The following ATOSA variants were observed in gnomAD, a reference collection of about 807,000 sequenced individuals.
The protein encoded by ATOSA is atos homolog A.
chr15:52,582,802 A>T, the ATOSA span, among the ~76,000 whole-genome samples: 1 of 152,238 alleles, frequency 6.6e-6, no homozygotes, highest in Non-Finnish European at 1.5e-5. Flanking sequence ...AGTAAAACCC[A>T]GCCACCATCA....
chr15:52,627,571 A>C, the ATOSA span, among the ~76,000 whole-genome samples: 2 of 152,178 alleles, frequency 1.3e-5, no homozygotes. Flanking sequence ...AAGTATGACC[A>C]ACTGAAGAAT....
the ATOSA span, among the ~76,000 whole-genome samples, chr15:52,660,575 T>TA: frequency 6.6e-6 from 1 of 152,234 alleles, no homozygotes; most frequent in Non-Finnish European, 1.5e-5. Flanking sequence ...GTGTTTATCT[T>TA]ACGCACTGAA....
At chr15:52,630,605 G>T in the ATOSA span, among the ~76,000 whole-genome samples, 22 of 152,292 alleles carry the variant, frequency 1.4e-4, no homozygotes, top group African/African-American at 4.8e-4. Flanking sequence ...ACACACTGGT[G>T]CAAACACTTT....
At chr15:52,625,827 T>A in the ATOSA span, among the ~76,000 whole-genome samples, 1 of 152,242 alleles carries the variant, frequency 6.6e-6, no homozygotes, top group Non-Finnish European at 1.5e-5. Flanking sequence ...AATTGTTTTA[T>A]CAAGTTAGTC....
At chr15:52,698,920 T>C in the ATOSA span, among the ~76,000 whole-genome samples, 1 of 152,214 alleles carries the variant, frequency 6.6e-6, no homozygotes, top group African/African-American at 2.4e-5. Flanking sequence ...GAAGTGGTGG[T>C]GATTTTGGAA....
chr15:52,633,040 T>C, the ATOSA span, among the ~76,000 whole-genome samples: 2 of 152,214 alleles, frequency 1.3e-5, no homozygotes, highest in Non-Finnish European at 2.9e-5. Context: ...TCAGAGCAAG[T>C]ACAGGCATGT....
the ATOSA span, among the ~76,000 whole-genome samples, chr15:52,645,373 A>C: frequency 1.3e-4 from 20 of 152,202 alleles, no homozygotes; most frequent in Non-Finnish European, 2.5e-4. Flanking sequence ...TGGGAGGCGG[A>C]GGCTGAAGTG....
At chr15:52,608,677 T>C in the ATOSA span, 1 of 1,612,616 alleles carries the variant, frequency 6.2e-7, no homozygotes, top group South Asian at 1.1e-5. Flanking sequence ...TTGCTTATCT[T>C]GTTCATTTTT....
the ATOSA span, among the ~76,000 whole-genome samples, chr15:52,683,983 A>G: frequency 6.6e-6 from 1 of 152,236 alleles, no homozygotes; most frequent in Admixed American, 6.5e-5. Flanking sequence ...TTCTGAACAC[A>G]TATTTATGAT....
At chr15:52,628,282 A>G in the ATOSA span, among the ~76,000 whole-genome samples, 1 of 152,176 alleles carries the variant, frequency 6.6e-6, no homozygotes, top group African/African-American at 2.4e-5. Flanking sequence ...AAGCCCTTTG[A>G]GCTTCTTGGA....
At chr15:52,683,006 A>G in the ATOSA span, among the ~76,000 whole-genome samples, 1 of 152,298 alleles carries the variant, frequency 6.6e-6, no homozygotes, top group South Asian at 2.1e-4. Flanking sequence ...TAAGGAAGTA[A>G]AAATGTATTC....
the ATOSA span, among the ~76,000 whole-genome samples, chr15:52,618,904 T>C: frequency 6.6e-6 from 1 of 152,220 alleles, no homozygotes; most frequent in Non-Finnish European, 1.5e-5. Context: ...TCATTGTCTC[T>C]GTGGGAGGTA....
the ATOSA span, among the ~76,000 whole-genome samples, chr15:52,619,826 TAAAAAAAAAA>T: frequency 8.6e-6 from 1 of 116,492 alleles, no homozygotes; most frequent in East Asian, 2.1e-4. Flanking sequence ...GAGACTGTCT[TAAAAAAAAAA>T]GAAAAGAAAA....
chr15:52,592,692 T>C, the ATOSA span, among the ~76,000 whole-genome samples: 1 of 152,208 alleles, frequency 6.6e-6, no homozygotes, highest in African/African-American at 2.4e-5. Context: ...AAAAATCTCA[T>C]AATGTTTTAA....
chr15:52,600,510 AATGTT>A, the ATOSA span, among the ~76,000 whole-genome samples: 1 of 152,160 alleles, frequency 6.6e-6, no homozygotes, highest in Admixed American at 6.5e-5. Flanking sequence ...ATAATAAATT[AATGTT>A]ATCAAATTTT....
At chr15:52,637,060 T>C in the ATOSA span, among the ~76,000 whole-genome samples, 1 of 152,122 alleles carries the variant, frequency 6.6e-6, no homozygotes, top group Non-Finnish European at 1.5e-5. Context: ...AAGGGAAACT[T>C]AAGAGGAAGA....
chr15:52,608,446 A>T, the ATOSA span: 1 of 922,544 alleles, frequency 1.1e-6, no homozygotes. Flanking sequence ...TTATTATTCT[A>T]TCAGACTGTG....
At chr15:52,701,363 CAG>C in the ATOSA span, among the ~76,000 whole-genome samples, 1 of 152,082 alleles carries the variant, frequency 6.6e-6, no homozygotes, top group African/African-American at 2.4e-5. Flanking sequence ...CACTTGAGCC[CAG>C]GAGTTTGAGG....
the ATOSA span, among the ~76,000 whole-genome samples, chr15:52,664,547 G>A: frequency 1.3e-5 from 2 of 152,226 alleles, no homozygotes. Flanking sequence ...CACCCAGCTA[G>A]TAATAATGTT....
Sources: allele counts gnomAD v4.1 joint callset (sites outside exome capture counted in the v4.1 genomes callset), GRCh38; gene constraint gnomAD v4.1.1; transcripts MANE v1.5; gene names NCBI Gene and HGNC (gene_info 2026-07-23, HGNC 2026-07-21).